Variants in HNRNPA1 observed in about 807,000 individuals in gnomAD.
HNRNPA1 encodes epididymis secretory sperm binding protein.
In HNRNPA1, 7 loss-of-function variants were observed where a neutral mutation model predicts 44.4. That is an observed-to-expected ratio of 0.16 (90% CI 0.09 to 0.30). HNRNPA1 has a LOEUF of 0.30. HNRNPA1 is among the 10% of genes least tolerant of loss of function. HNRNPA1 has a pLI of 1.00. For synonymous variants in HNRNPA1, 169 were observed against 160.6 expected (o/e 1.05, Z -0.40); for missense variants, 193 against 465.8 (o/e 0.41, Z 5.39).
In HNRNPA1 at chr12:54,282,463, C is replaced by A. The variant is rs777731904; in HGVS notation, c.560C>A (p.Ala187Asp). Residue 187 changes from alanine (A) to aspartate (D), a missense_variant, in exon 5 of 11, where the codon GCT becomes GAT. Ala to Asp is a moderately radical substitution (Grantham distance 126). This residue lies in a region of HNRNPA1 where 57 missense variants were observed against 231.3 expected (regional missense o/e 0.25). Transcript: ENST00000340913. ...VRKALSKQEM[A>D]SASSSQRGRS... ...AAAGCCCTGTCAAAGCAAGAGATGGCTAGTGCTTCATCCAGCCAAAGAGGT... is the reference window on the plus strand; with the variant it reads ...AAAGCCCTGTCAAAGCAAGAGATGGATAGTGCTTCATCCAGCCAAAGAGGT... 6.2e-7 allele frequency: 1 copy of A among 1,613,036 alleles called. No homozygotes were observed. The highest frequency in any genetic ancestry group is 8.5e-7 in the Non-Finnish European group (1 of 1,179,516).
intron 9 of HNRNPA1, 119 bp from the exon 10 acceptor site, chr12:54,284,139 C>G (rs1944227265): frequency 9.5e-6 from 12 of 1,260,092 alleles, no homozygotes; most frequent in Non-Finnish European, 1.3e-5. Context: ...TTTACCACCT[C>G]CCTTGTAGTA....
Position 54,280,742 on chromosome 12 carries a change from T to C in HNRNPA1, c.-66T>C. On this transcript the variant is annotated 5_prime_UTR_variant, in exon 1 of 11. Coordinates refer to ENST00000340913, the MANE Select transcript of HNRNPA1 (RefSeq NM_031157.4). Reference sequence around the variant, plus strand: ...TAGGCTGGCAGATACGTTCGTCAGCTTGCTCCTTTCTGCCCGTGGACGCCG... The same window carrying C: ...TAGGCTGGCAGATACGTTCGTCAGCCTGCTCCTTTCTGCCCGTGGACGCCG... 1 of 1,596,938 alleles carries C rather than the reference T, an allele frequency of 6.3e-7. No individual in the cohort carries two copies. Among genetic ancestry groups the C allele is most frequent in the Non-Finnish European group, 8.6e-7 (1 of 1,164,472 alleles).
chr12:54,283,314 A>G lies in HNRNPA1; in HGVS notation c.907+80A>G, dbSNP rs1944208970. The G allele has an allele frequency of 5.4e-6, 8 of 1,479,970 alleles. No homozygotes were observed. In the African/African-American group the frequency reaches 5.5e-5, roughly 10 times the overall value. 91.7% of individuals were successfully genotyped at this position (1,479,970 alleles called of 1,614,324 possible). On this transcript the variant is annotated intron_variant, in intron 8 of 10. Transcript: ENST00000340913. The stretch of plus-strand genomic sequence containing the variant: ...GCTTGGGTTCTGGTGCTGTTGAAGC[A>G]TTGTGTGGTACACTGCATGGTATAT...
In HNRNPA1 at chr12:54,284,210, A is replaced by G. The variant is rs373322691; in HGVS notation, c.1064-48A>G. On this transcript the variant is annotated intron_variant, in intron 9 of 10. Coordinates refer to ENST00000340913, the MANE Select transcript of HNRNPA1 (RefSeq NM_031157.4). ...CTTTTATTATCCCAAATATGAAAAC[A>G]TTACTGTTGGCACTTTGAAACTTTA... is the stretch of plus-strand genomic sequence containing the variant. The G allele has an allele frequency of 3.2e-5, 50 of 1,578,936 alleles. No homozygotes were observed. In the African/African-American group the frequency reaches 5.7e-4, roughly 18 times the overall value.
chr12:54,281,210 C>G lies in HNRNPA1; in HGVS notation c.16-176C>G, dbSNP rs139650096. On this transcript the variant is annotated intron_variant, in intron 1 of 10. Transcript: ENST00000340913. ...TAGGGACGCATGCGCTTGCGATTTC[C>G]TAGCACTCCCAACTCCAGCATACGG... The G allele has an allele frequency of 1.2e-3, 847 of 702,714 alleles. 14 individuals are homozygous for G. In the East Asian group the frequency reaches 0.017, roughly 14 times the overall value. The allele number at this position is 702,714 out of a possible 1,614,324, so 43.5% of individuals were successfully genotyped here. A position where few individuals can be genotyped will look rare whatever the true frequency, so the allele number is the denominator to read the frequency against.
rs771735750 is a variant in HNRNPA1, at chr12:54,281,950, G to GT, written c.279+17dup. On this transcript the variant is annotated intron_variant, in intron 3 of 10. Transcript: ENST00000340913. ...GAGCTGTCTCCAGAGAAGTGAGTGG[G>GT]TTTTTTTTCTTCTTCTTCTTAAACT... is the stretch of plus-strand genomic sequence containing the variant. 1.8e-5 allele frequency: 29 copies of GT among 1,611,918 alleles called. No individual in the cohort carries two copies. The highest frequency in any genetic ancestry group is 2.2e-5 in the Non-Finnish European group (26 of 1,179,702).
Position 54,281,400 on chromosome 12 carries a change from C to A in HNRNPA1, c.30C>A (p.Pro10=). 5 of 1,590,218 alleles carry A rather than the reference C, an allele frequency of 3.1e-6. No homozygotes were observed. Among genetic ancestry groups the A allele is most frequent in the Non-Finnish European group, 4.3e-6 (5 of 1,162,142 alleles). The part of the protein sequence containing the change: MSKSESPKE[P]EQLRKLFIGG... ...CCCCACTCTAGTCTCCTAAAGAGCCCGAACAGCTGAGGAAGCTCTTCATTG... is the reference window on the plus strand; with the variant it reads ...CCCCACTCTAGTCTCCTAAAGAGCCAGAACAGCTGAGGAAGCTCTTCATTG... The change falls in exon 2 of 11, where the codon CCC becomes CCA. Residue 10 remains proline, a synonymous_variant. Transcript: ENST00000340913.
At chr12:54,282,001 T>C in intron 3 of HNRNPA1, 60 bp downstream of exon 3, 1 of 1,602,858 alleles carries the variant, frequency 6.2e-7, no homozygotes, top group Non-Finnish European at 8.5e-7. Context: ...TGCTATGGAC[T>C]TAAGATTCGG....
chr12:54,283,921 C>T lies in HNRNPA1; in HGVS notation c.1017C>T (p.Gly339=), dbSNP rs746109355. 1.9e-6 allele frequency: 3 copies of T among 1,609,948 alleles called. No individual in the cohort carries two copies. The highest frequency in any genetic ancestry group is 2.2e-5 in the East Asian group (1 of 44,886). ...KGGNFGGRSS[G]PYGGGGQYFA... ...GAAATTTTGGAGGCAGAAGCTCTGG[C>T]CCCTATGGCGGTGGAGGCCAATACT... is the stretch of plus-strand genomic sequence containing the variant. Residue 339 remains glycine (G), a synonymous_variant, in exon 9 of 11, where the codon GGC becomes GGT. Transcript: ENST00000340913.
chr12:54,281,062 C>T (rs1466874538), intron 1 of HNRNPA1: 2 of 705,294 alleles, frequency 2.8e-6, no homozygotes, highest in African/African-American at 3.5e-5. Flanking sequence ...CTTAGGCACA[C>T]AGGATCTTTG....
chr12:54,281,610 G>A, intron 2 of HNRNPA1, 108 bp downstream of exon 2: 1 of 1,017,076 alleles, frequency 9.8e-7, no homozygotes, highest in Admixed American at 2.1e-5. Context: ...TATAGTTAGA[G>A]CTTTGTTGGC....
chr12:54,283,808 A>G lies in HNRNPA1; in HGVS notation c.908-4A>G, dbSNP rs1320264515. 4.3e-6 allele frequency: 7 copies of G among 1,613,668 alleles called. No individual in the cohort carries two copies. In the South Asian group the frequency reaches 5.5e-5, roughly 13 times the overall value. On this transcript the variant is annotated splice_polypyrimidine_tract_variant and splice_region_variant and intron_variant, in intron 8 of 10. Coordinates refer to ENST00000340913, the MANE Select transcript of HNRNPA1 (RefSeq NM_031157.4). ...CAGATAAAGGCCCTCTTTCCCATTC[A>G]TAGGAAGCAATTTTGGAGGTGGTGG...
intron 8 of HNRNPA1, among the ~76,000 whole-genome samples, chr12:54,283,476 C>G (rs1475140345): frequency 6.6e-6 from 1 of 152,144 alleles, no homozygotes; most frequent in African/African-American, 2.4e-5. Flanking sequence ...TATTTTAACT[C>G]CTTTGGGACC....
In HNRNPA1 at chr12:54,283,202, A is replaced by G. The variant is rs1439715871; in HGVS notation, c.875A>G (p.Asn292Ser). ...AGTGGCAGCTATGACAGCTATAACA[A>G]CGGAGGCGGAGGCGGCTTTGGCGGT... is the stretch of plus-strand genomic sequence containing the variant. ...GGSGSYDSYN[N>S]GGGGGFGGGS... Residue 292 changes from asparagine to serine, a missense_variant, in exon 8 of 11, where the codon AAC (asparagine) becomes AGC (serine). This residue lies in a region of HNRNPA1 where 136 missense variants were observed against 234.4 expected (regional missense o/e 0.58). Coordinates refer to ENST00000340913, the MANE Select transcript of HNRNPA1 (RefSeq NM_031157.4). 2.2e-5 allele frequency: 35 copies of G among 1,611,102 alleles called. No individual in the cohort carries two copies. Among genetic ancestry groups the G allele is most frequent in the Non-Finnish European group, 2.5e-5 (30 of 1,178,678 alleles).
chr12:54,281,611 C>A, intron 2 of HNRNPA1, 109 bp downstream of exon 2: 1 of 1,019,198 alleles, frequency 9.8e-7, no homozygotes, highest in Non-Finnish European at 1.5e-6. Flanking sequence ...ATAGTTAGAG[C>A]TTTGTTGGCA....
chr12:54,284,359 T>G (rs750522774), intron 10 of HNRNPA1, 42 bp downstream of exon 10: 1 of 1,539,214 alleles, frequency 6.5e-7, no homozygotes, highest in Non-Finnish European at 9.0e-7. Context: ...ATTTTTTAAA[T>G]TGCTGATGAA....
At position 54,283,228 on chromosome 12, in the gene HNRNPA1, GGTA is replaced by G; in HGVS notation, c.904_906del (p.Ser302del). 1 of 1,610,810 alleles carries G rather than the reference GGTA, an allele frequency of 6.2e-7. No individual in the cohort carries two copies. The highest frequency in any genetic ancestry group is 8.5e-7 in the Non-Finnish European group (1 of 1,178,486). On this transcript the variant is annotated inframe_deletion, in exon 8 of 11. Transcript: ENST00000340913. ...CGGAGGCGGAGGCGGCTTTGGCGGT[GGTA>G]GTGGTAGGTATCCAGTGATCCAAGT...
Position 54,282,657 on chromosome 12 carries a change from G to A in HNRNPA1, c.668G>A (p.Ser223Asn), listed in dbSNP as rs1944193508. Reference protein sequence around the residue: ...NDNFGRGGNFSGRGGFGGSRG... With the variant: ...NDNFGRGGNFNGRGGFGGSRG... ...AACTTCGGTCGTGGAGGAAACTTCA[G>A]TGGTCGTGGTATGTATGGTTTATCT... Residue 223 changes from serine (S) to asparagine (N), a missense_variant, in exon 6 of 11, where the codon AGT (serine) becomes AAT (asparagine). Physicochemically the swap from Ser to Asn is conservative, Grantham distance 46. Around this residue, in one of 2 missense-constraint regions of HNRNPA1, gnomAD observed 136 missense variants for 234.4 expected, o/e 0.58. Transcript: ENST00000340913. 2 of 1,613,378 alleles carry A rather than the reference G, an allele frequency of 1.2e-6. No individual in the cohort carries two copies. Among genetic ancestry groups the A allele is most frequent in the Non-Finnish European group, 1.7e-6 (2 of 1,179,360 alleles).
At chr12:54,280,991 A>C (rs957097260) in intron 1 of HNRNPA1, 169 bp downstream of exon 1, 2 of 758,298 alleles carry the variant, frequency 2.6e-6, no homozygotes, top group South Asian at 1.4e-5. Context: ...CTTGATCGCC[A>C]TGAGGCCGCT....
Sources: gnomAD v4.1 joint callset for allele counts (sites outside exome capture counted in the v4.1 genomes callset) on GRCh38, gnomAD v4.1.1 for gene constraint, gnomAD v4.1.1 regional missense constraint, MANE v1.5 for transcripts, NCBI Gene and HGNC (gene_info 2026-07-23, HGNC 2026-07-21) for gene names.